Variants in TAFA2 observed in about 807,000 individuals in gnomAD.
The protein encoded by TAFA2 is TAFA chemokine like family member 2.
In TAFA2, 7 loss-of-function variants were observed where a neutral mutation model predicts 18.8. The observed-to-expected ratio is 0.37, with a 90% CI of 0.21 to 0.70. The LOEUF is 0.70. Ranked by LOEUF, TAFA2 falls within the 30% of genes least tolerant of loss-of-function variation. The pLI is 0.53. For missense variants in TAFA2, 122 were observed against 158.1 expected, an observed-to-expected ratio of 0.77 and a Z score of 1.23; for synonymous variants, 60 against 54.2, an observed-to-expected ratio of 1.11 and a Z score of -0.47.
At chr12:61,871,497 A>G (rs959315355) in intron 1 of TAFA2, among the ~76,000 whole-genome samples, 11 of 152,356 alleles carry the variant, frequency 7.2e-5, no homozygotes, top group African/African-American at 2.6e-4. Flanking sequence ...TGAATTTTGC[A>G]AAAAGCAAAA....
chr12:61,773,110 C>T (rs1176138337), intron 2 of TAFA2, among the ~76,000 whole-genome samples: 1 of 151,664 alleles, frequency 6.6e-6, no homozygotes, highest in Non-Finnish European at 1.5e-5. Context: ...TTTATGATAG[C>T]TGCAGAAAAA....
At chr12:62,148,428 C>T (rs940751780) in intron 1 of TAFA2, among the ~76,000 whole-genome samples, 36 of 152,154 alleles carry the variant, frequency 2.4e-4, no homozygotes, top group African/African-American at 7.9e-4. Context: ...CTATCCTAAG[C>T]GAATTGATAT....
intron 3 of TAFA2, 78 bp downstream of exon 3, chr12:61,754,794 T>G (rs1470853433): frequency 1.0e-4 from 144 of 1,439,986 alleles, no homozygotes; most frequent in Middle Eastern, 2.4e-4. Flanking sequence ...GACCTCCCAT[T>G]GAGAGCATTA....
chr12:61,993,909 T>C (rs1378395596), intron 1 of TAFA2, among the ~76,000 whole-genome samples: 1 of 152,050 alleles, frequency 6.6e-6, no homozygotes, highest in Non-Finnish European at 1.5e-5. Flanking sequence ...GTGCTCCCTC[T>C]CTCATAACAC....
At chr12:62,199,574 G>A (rs950170042) in intron 1 of TAFA2, among the ~76,000 whole-genome samples, 1 of 150,966 alleles carries the variant, frequency 6.6e-6, no homozygotes, top group African/African-American at 2.4e-5. Context: ...ATTCCATGGT[G>A]TGTGTGTGTG....
intron 1 of TAFA2, among the ~76,000 whole-genome samples, chr12:62,077,659 T>A (rs555321358): frequency 6.6e-6 from 1 of 152,304 alleles, no homozygotes; most frequent in Admixed American, 6.5e-5. Context: ...TATACCACTT[T>A]GTCCCAATTC....
intron 1 of TAFA2, among the ~76,000 whole-genome samples, chr12:62,079,917 A>G (rs1452875887): frequency 1.3e-5 from 2 of 152,146 alleles, no homozygotes; most frequent in African/African-American, 4.8e-5. Flanking sequence ...AACAATACCC[A>G]CTTATTAGCT....
chr12:62,029,809 CTA>C (rs1881405918), intron 1 of TAFA2, among the ~76,000 whole-genome samples: 1 of 109,968 alleles, frequency 9.1e-6, no homozygotes, highest in South Asian at 3.2e-4. Context: ...AAATGTCTTC[CTA>C]TCTCTCTCTC....
chr12:61,905,725 T>C (rs903125826), intron 1 of TAFA2, among the ~76,000 whole-genome samples: 7 of 152,220 alleles, frequency 4.6e-5, no homozygotes, highest in African/African-American at 1.7e-4. Flanking sequence ...GTCCTCCTCA[T>C]GTATGAAAGC....
At chr12:62,215,580 G>A (rs372900812) in intron 1 of TAFA2, among the ~76,000 whole-genome samples, 9 of 129,660 alleles carry the variant, frequency 6.9e-5, no homozygotes, top group African/African-American at 1.1e-4. Context: ...AAAAAAAAAA[G>A]GGGCGGAAGA....
At chr12:61,853,268 T>C (rs151183426) in intron 2 of TAFA2, among the ~76,000 whole-genome samples, 1 of 152,288 alleles carries the variant, frequency 6.6e-6, no homozygotes, top group East Asian at 1.9e-4. Flanking sequence ...TACTTTCATA[T>C]AGTTCAGGAA....
chr12:62,249,272 TA>T lies in TAFA2; in HGVS notation c.-130+9490del, dbSNP rs35144994. On this transcript the variant is annotated intron_variant, in intron 1 of 5. Coordinates refer to the TAFA2 transcript ENST00000551619. ...GGGACTGCTCCCTCCTTTTTTTTCC[TA>T]AAAAAAAAAAAAAAAAGGAAAAAGA... is the stretch of plus-strand genomic sequence containing the variant. 2.7e-3 allele frequency among the ~76,000 whole-genome samples: 375 copies of T among 137,706 alleles called. 1 individual carries two copies. The highest frequency in any genetic ancestry group is 3.5e-3 in the Non-Finnish European group (223 of 63,394). 90.3% of individuals were successfully genotyped at this position (137,706 alleles called of 152,430 possible). A position where few individuals can be genotyped will look rare whatever the true frequency, so the allele number is the denominator to read the frequency against.
intron 4 of TAFA2, among the ~76,000 whole-genome samples, chr12:61,740,357 G>T (rs1261979599): frequency 6.6e-6 from 1 of 151,940 alleles, no homozygotes; most frequent in East Asian, 1.9e-4. Flanking sequence ...AGGGGTGGGA[G>T]AGCATTAGGA....
intron 1 of TAFA2, among the ~76,000 whole-genome samples, chr12:62,047,938 AC>A (rs1220177791): frequency 6.6e-5 from 10 of 152,334 alleles, no homozygotes; most frequent in African/African-American, 1.4e-4. Flanking sequence ...AAACAAAAAA[AC>A]ATAACCACAT....
chr12:61,916,800 G>C (rs868193829), intron 1 of TAFA2, among the ~76,000 whole-genome samples: 1 of 152,172 alleles, frequency 6.6e-6, no homozygotes, highest in Non-Finnish European at 1.5e-5. Flanking sequence ...TAGAATCACA[G>C]TGAAAATATC....
At chr12:61,862,201 A>G (rs933887429) in intron 2 of TAFA2, among the ~76,000 whole-genome samples, 2 of 152,238 alleles carry the variant, frequency 1.3e-5, no homozygotes, top group Non-Finnish European at 1.5e-5. Flanking sequence ...CTGATCCCCA[A>G]TATCAGAAGC....
At chr12:62,193,371 T>C (rs2136963627), upstream of TAFA2, among the ~76,000 whole-genome samples, 1 of 152,302 alleles carries the variant, frequency 6.6e-6, no homozygotes, top group African/African-American at 2.4e-5. Context: ...AGACCAATAA[T>C]GGTCAAGATA....
intron 1 of TAFA2, among the ~76,000 whole-genome samples, chr12:62,162,441 C>T (rs1052031331): frequency 1.3e-5 from 2 of 152,186 alleles, no homozygotes; most frequent in African/African-American, 4.8e-5. Flanking sequence ...GGTTTACCTG[C>T]TTAGCTATAT....
chr12:61,849,133 T>C (rs998306490), intron 2 of TAFA2, among the ~76,000 whole-genome samples: 8 of 152,174 alleles, frequency 5.3e-5, no homozygotes, highest in Non-Finnish European at 1.2e-4. Context: ...CATGAGTCAC[T>C]GCGCCCGGCC....
Sources: gnomAD v4.1 joint callset for allele counts (sites outside exome capture counted in the v4.1 genomes callset) on GRCh38, gnomAD v4.1.1 for gene constraint, MANE v1.5 for transcripts, NCBI Gene and HGNC (gene_info 2026-07-23, HGNC 2026-07-21) for gene names.